RFX3: variants seen among roughly 807,000 people sequenced by gnomAD.
RFX3 encodes regulatory factor X3.
RFX3 carries 14 observed loss-of-function variants against 98.6 expected under a neutral mutation model. The observed-to-expected ratio is 0.14, with a 90% CI of 0.09 to 0.22. The LOEUF is 0.22. Among genes scored for constraint, RFX3 ranks in the 10% least tolerant of loss-of-function variants. The pLI is 1.00. For missense variants in RFX3, 639 were observed against 926.9 expected (o/e 0.69, Z 4.03); for synonymous variants, 383 against 328.4 (o/e 1.17, Z -1.80).
At chr9:3,225,565 T>G (rs945824625) in intron 16 of RFX3, among the ~76,000 whole-genome samples, 1 of 152,184 alleles carries the variant, frequency 6.6e-6, no homozygotes, top group South Asian at 2.1e-4. Context: ...GGAATTTCCC[T>G]AAGTGTTATA....
chr9:3,252,483 T>C (rs1286354826), intron 14 of RFX3, among the ~76,000 whole-genome samples: 4 of 152,158 alleles, frequency 2.6e-5, no homozygotes, highest in African/African-American at 9.7e-5. Context: ...GAGCAGAAAC[T>C]GGATTGAAGT....
In RFX3 at chr9:3,514,440, G is replaced by GTGTTTTGTTT. The variant is rs201784174; in HGVS notation, c.-9+11297_-9+11306dup. On this transcript the variant is annotated intron_variant, in intron 1 of 16. Transcript: ENST00000617270. Reference sequence around the variant, plus strand: ...GAAAAGTAATTTTTTTAACCAAGTTGTGTTTTGTTTTGTTTTGTTTTGTTT... The same window carrying GTGTTTTGTTT: ...GAAAAGTAATTTTTTTAACCAAGTTGTGTTTTGTTTTGTTTTGTTTTGTTTTGTTTTGTTT... Among the ~76,000 whole-genome samples the GTGTTTTGTTT allele has an allele frequency of 6.5e-4, 98 of 151,642 alleles. 1 individual carries two copies. Among genetic ancestry groups the GTGTTTTGTTT allele is most frequent in the African/African-American group, 2.3e-3 (93 of 41,064 alleles).
intron 1 of RFX3, among the ~76,000 whole-genome samples, chr9:3,429,975 C>G (rs1469824938): frequency 6.6e-6 from 1 of 152,092 alleles, no homozygotes; most frequent in East Asian, 1.9e-4. Context: ...AGTCTCAAAC[C>G]TTAGTTGACT....
intron 15 of RFX3, among the ~76,000 whole-genome samples, chr9:3,245,380 G>C (rs1820526263): frequency 6.6e-6 from 1 of 152,196 alleles, no homozygotes; most frequent in East Asian, 1.9e-4. Context: ...AACAGAAAGA[G>C]TAGGAAGTGG....
chr9:3,392,994 G>A (rs1363006109), intron 2 of RFX3, among the ~76,000 whole-genome samples: 1 of 108,084 alleles, frequency 9.3e-6, no homozygotes, highest in Non-Finnish European at 1.7e-5. Context: ...TATTGTTTTT[G>A]TACCTAAAAA....
intron 4 of RFX3, among the ~76,000 whole-genome samples, chr9:3,315,465 T>C (rs1233541968): frequency 6.6e-6 from 1 of 151,858 alleles, no homozygotes; most frequent in African/African-American, 2.4e-5. Flanking sequence ...TTAAAAGAAC[T>C]AGAGAAGCAA....
chr9:3,440,817 C>CT (rs1845546892), intron 1 of RFX3, among the ~76,000 whole-genome samples: 1 of 152,156 alleles, frequency 6.6e-6, no homozygotes, highest in Non-Finnish European at 1.5e-5. Flanking sequence ...AGAGCTAACA[C>CT]TACCTGATTT....
At chr9:3,309,668 AT>A (rs1345339918) in intron 4 of RFX3, among the ~76,000 whole-genome samples, 1 of 152,116 alleles carries the variant, frequency 6.6e-6, no homozygotes, top group East Asian at 1.9e-4. Context: ...TCAATATTAC[AT>A]TTTTTCAAAG....
chr9:3,525,952 G>A lies in RFX3; in HGVS notation c.-214C>T. ...AGAGAGAGAGAGAGGGAGAGAGAGA[G>A]AGAGCGAGAGGGAGAGGGAGACACT... On this transcript the variant is annotated 5_prime_UTR_variant, in exon 1 of 17. Transcript: ENST00000617270. 5.8e-6 allele frequency: 4 copies of A among 687,780 alleles called. No individual in the cohort carries two copies. The highest frequency in any genetic ancestry group is 7.1e-6 in the Non-Finnish European group (4 of 561,714). 42.6% of individuals were successfully genotyped at this position (687,780 alleles called of 1,614,324 possible). A position where few individuals can be genotyped will look rare whatever the true frequency, so the allele number is the denominator to read the frequency against.
At chr9:3,475,797 T>C (rs1417691545) in intron 1 of RFX3, among the ~76,000 whole-genome samples, 1 of 152,198 alleles carries the variant, frequency 6.6e-6, no homozygotes, top group Non-Finnish European at 1.5e-5. Flanking sequence ...GCTTGACTGA[T>C]GTCAGGCCCT....
intron 15 of RFX3, among the ~76,000 whole-genome samples, chr9:3,246,237 A>G (rs1192988679): frequency 1.3e-5 from 2 of 152,084 alleles, no homozygotes; most frequent in African/African-American, 4.8e-5. Context: ...TTTTACGTAT[A>G]TATCTTTGCC....
At chr9:3,298,450 G>T (rs1828261247) in intron 5 of RFX3, among the ~76,000 whole-genome samples, 1 of 151,716 alleles carries the variant, frequency 6.6e-6, no homozygotes. Flanking sequence ...GTAACATAAG[G>T]CCTGATCCCT....
intron 9 of RFX3, among the ~76,000 whole-genome samples, chr9:3,273,360 T>C (rs1824756027): frequency 1.3e-5 from 2 of 152,174 alleles, no homozygotes; most frequent in African/African-American, 4.8e-5. Context: ...GGACTGCCAT[T>C]TTCCACACAG....
intron 1 of RFX3, among the ~76,000 whole-genome samples, chr9:3,515,165 C>G (rs1265072468): frequency 6.6e-6 from 1 of 152,174 alleles, no homozygotes; most frequent in African/African-American, 2.4e-5. Context: ...GGCATCACTA[C>G]TGTTACCTTG....
chr9:3,358,950 G>A (rs760329845), intron 2 of RFX3, among the ~76,000 whole-genome samples: 1 of 151,818 alleles, frequency 6.6e-6, no homozygotes, highest in Non-Finnish European at 1.5e-5. Context: ...CTGCTCCCAT[G>A]ATTCAATTAT....
intron 1 of RFX3, among the ~76,000 whole-genome samples, chr9:3,508,733 C>T (rs1016776963): frequency 6.6e-6 from 1 of 151,948 alleles, no homozygotes. Context: ...AGGAAACATA[C>T]TCCTGTTTTA....
rs538742257 is a variant in RFX3, at chr9:3,218,919, A to T, written c.*6123T>A. On this transcript the variant is annotated 3_prime_UTR_variant, in exon 17 of 17. Coordinates refer to ENST00000617270, the MANE Select transcript of RFX3 (RefSeq NM_001282116.2). ...AATGATGGCACTTAAAAAAAAATAC[A>T]GTATCTTAAAAAAACACAATGAAAG... 1 of 152,186 alleles carries T rather than the reference A, an allele frequency of 6.6e-6. No individual in the cohort carries two copies. Among genetic ancestry groups the T allele is most frequent in the Non-Finnish European group, 1.5e-5 (1 of 68,012 alleles). 9.4% of individuals were successfully genotyped at this position (152,186 alleles called of 1,614,324 possible). A position where few individuals can be genotyped will look rare whatever the true frequency, so the allele number is the denominator to read the frequency against.
At chr9:3,271,246 C>A in intron 9 of RFX3, 128 bp from the exon 10 acceptor site, 4 of 603,656 alleles carry the variant, frequency 6.6e-6, no homozygotes, top group South Asian at 3.0e-5. Context: ...CATGGTGAAA[C>A]TACACTAAAT....
chr9:3,364,881 T>C (rs904141229), intron 2 of RFX3: 1 of 152,254 alleles, frequency 6.6e-6, no homozygotes, highest in Non-Finnish European at 1.5e-5. Context: ...ATTTTTACTA[T>C]ATTCAGTTTT....
Sources: gnomAD v4.1 joint callset for allele counts (sites outside exome capture counted in the v4.1 genomes callset) on GRCh38, gnomAD v4.1.1 for gene constraint, MANE v1.5 for transcripts, NCBI Gene and HGNC (gene_info 2026-07-23, HGNC 2026-07-21) for gene names.